The following PRKG1 variants were observed in gnomAD, a reference collection of about 807,000 sequenced individuals.
The protein encoded by PRKG1 is protein kinase cGMP-dependent 1.
PRKG1 carries 35 observed loss-of-function variants against 88.1 expected under a neutral mutation model. The observed-to-expected ratio is 0.40, with a 90% CI of 0.30 to 0.53. The LOEUF (loss-of-function observed/expected upper bound fraction) is 0.53, where lower values mean the gene tolerates loss of function less well. Among genes scored for constraint, PRKG1 ranks in the 20% least tolerant of loss-of-function variants. PRKG1 has a pLI of 0.59. For synonymous variants in PRKG1, 303 were observed against 292.5 expected, an observed-to-expected ratio of 1.04 and a Z score of -0.37; for missense variants, 540 against 839.8, an observed-to-expected ratio of 0.64 and a Z score of 4.41.
At chr10:51,725,967 A>G (rs1400097799) in intron 3 of PRKG1, among the ~76,000 whole-genome samples, 5 of 152,240 alleles carry the variant, frequency 3.3e-5, no homozygotes, top group Admixed American at 3.3e-4. Flanking sequence ...CAGCACCACT[A>G]GAACATGAAT....
Position 51,804,651 on chromosome 10 carries a change from G to T in PRKG1, c.659G>T (p.Gly220Val). Residue 220 changes from glycine (G) to valine (V), a missense_variant, in exon 4 of 18, where the codon GGA becomes GTA. This residue lies in a region of PRKG1 where 400 missense variants were observed against 562.7 expected (regional missense o/e 0.71). Coordinates refer to ENST00000373980, the MANE Select transcript of PRKG1 (RefSeq NM_006258.4). ...TTTCAAACAATAATGATGAGGACAG[G>T]ACTCATCAAGCATACCGAGTATATG... Reference protein sequence around the residue: ...QCFQTIMMRTGLIKHTEYMEF... With the variant: ...QCFQTIMMRTVLIKHTEYMEF... 1 of 1,599,220 alleles carries T rather than the reference G, an allele frequency of 6.3e-7. No homozygotes were observed. The highest frequency in any genetic ancestry group is 8.6e-7 in the Non-Finnish European group (1 of 1,167,070).
At chr10:51,947,812 G>T (rs905359461) in intron 5 of PRKG1, among the ~76,000 whole-genome samples, 10 of 151,834 alleles carry the variant, frequency 6.6e-5, no homozygotes, top group Admixed American at 6.6e-4. Flanking sequence ...GCAAGATTTG[G>T]GGTGGAGAGG....
chr10:51,885,674 T>C (rs1025262434), intron 4 of PRKG1, among the ~76,000 whole-genome samples: 1 of 152,232 alleles, frequency 6.6e-6, no homozygotes, highest in African/African-American at 2.4e-5. Flanking sequence ...CGTGTCTTTA[T>C]TATACTCTGT....
chr10:51,505,406 C>T (rs993257881), intron 3 of PRKG1, among the ~76,000 whole-genome samples: 1 of 152,168 alleles, frequency 6.6e-6, no homozygotes, highest in Admixed American at 6.5e-5. Flanking sequence ...CATCGATGTT[C>T]ATCAAGGATA....
chr10:52,292,940 G>T (rs544366576), intron 17 of PRKG1, among the ~76,000 whole-genome samples: 2 of 152,200 alleles, frequency 1.3e-5, no homozygotes, highest in East Asian at 3.9e-4. Context: ...TAAATAAAGG[G>T]TATTCAATTA....
At chr10:51,885,844 A>G (rs968687416) in intron 4 of PRKG1, among the ~76,000 whole-genome samples, 2 of 152,084 alleles carry the variant, frequency 1.3e-5, no homozygotes, top group Non-Finnish European at 2.9e-5. Context: ...GCACATGATT[A>G]CCTCTTTCAT....
At chr10:51,830,560 G>GT (rs531412645) in intron 4 of PRKG1, among the ~76,000 whole-genome samples, 1,035 of 83,612 alleles carry the variant, frequency 0.012, 5 homozygotes, top group Middle Eastern at 0.022. Flanking sequence ...TTTTTTTTTT[G>GT]TTTTTTTTTT....
At chr10:52,122,449 A>T (rs1444455751) in intron 7 of PRKG1, among the ~76,000 whole-genome samples, 1 of 152,244 alleles carries the variant, frequency 6.6e-6, no homozygotes, top group Non-Finnish European at 1.5e-5. Flanking sequence ...ACTCAAATTC[A>T]AACTTATCTT....
At chr10:51,543,155 A>G (rs1326053740) in intron 3 of PRKG1, among the ~76,000 whole-genome samples, 1 of 152,192 alleles carries the variant, frequency 6.6e-6, no homozygotes, top group Non-Finnish European at 1.5e-5. Context: ...GCCCTGTCCC[A>G]TCTAACATTA....
At chr10:51,765,006 G>A (rs1284566971) in intron 3 of PRKG1, among the ~76,000 whole-genome samples, 1 of 152,178 alleles carries the variant, frequency 6.6e-6, no homozygotes, top group Non-Finnish European at 1.5e-5. Context: ...CTCCTAAACT[G>A]TGAGAAATAA....
intron 2 of PRKG1, among the ~76,000 whole-genome samples, chr10:51,154,836 AAAG>A (rs1303096474): frequency 1.3e-5 from 2 of 152,032 alleles, no homozygotes; most frequent in Non-Finnish European, 2.9e-5. Context: ...ATTGCAAAGA[AAAG>A]AGATGAAATT....
At chr10:51,140,891 G>C (rs894142137) in intron 1 of PRKG1, among the ~76,000 whole-genome samples, 8 of 152,166 alleles carry the variant, frequency 5.3e-5, no homozygotes, top group African/African-American at 1.9e-4. Context: ...CTGAAGTCCT[G>C]AGAACTGCTG....
chr10:52,083,210 G>T (rs61849900), intron 7 of PRKG1, among the ~76,000 whole-genome samples: 2 of 151,626 alleles, frequency 1.3e-5, no homozygotes, highest in East Asian at 3.9e-4. Flanking sequence ...GATGTTTTTC[G>T]TAAATTGAAC....
At chr10:51,965,759 C>T (rs911797516) in intron 5 of PRKG1, among the ~76,000 whole-genome samples, 7 of 152,082 alleles carry the variant, frequency 4.6e-5, no homozygotes, top group African/African-American at 1.7e-4. Context: ...TGAGAATATC[C>T]TCCACTTAGC....
At chr10:51,987,284 A>G (rs1017212032) in intron 5 of PRKG1, among the ~76,000 whole-genome samples, 5 of 145,014 alleles carry the variant, frequency 3.4e-5, no homozygotes, top group African/African-American at 1.3e-4. Flanking sequence ...AGCCACTGCA[A>G]GCTTAGCACT....
intron 2 of PRKG1, among the ~76,000 whole-genome samples, chr10:51,427,873 T>G (rs896689736): frequency 3.9e-5 from 6 of 152,156 alleles, no homozygotes; most frequent in African/African-American, 1.4e-4. Flanking sequence ...GCATGAAGAA[T>G]ATCATAAACA....
At chr10:51,752,816 G>C (rs1165984985) in intron 3 of PRKG1, among the ~76,000 whole-genome samples, 2 of 152,062 alleles carry the variant, frequency 1.3e-5, no homozygotes, top group East Asian at 3.8e-4. Flanking sequence ...TATTCTCATA[G>C]GCAGAAAACA....
intron 8 of PRKG1, among the ~76,000 whole-genome samples, chr10:52,138,584 G>A (rs1271561403): frequency 6.6e-6 from 1 of 152,012 alleles, no homozygotes; most frequent in East Asian, 1.9e-4. Flanking sequence ...AGCACACATG[G>A]CTGATGATGT....
intron 3 of PRKG1, among the ~76,000 whole-genome samples, chr10:51,651,991 T>C (rs1840050935): frequency 6.6e-6 from 1 of 152,188 alleles, no homozygotes; most frequent in African/African-American, 2.4e-5. Flanking sequence ...TAAATTGAAT[T>C]ACATTATTTA....
Sources: gnomAD v4.1 joint callset for allele counts (sites outside exome capture counted in the v4.1 genomes callset) on GRCh38, gnomAD v4.1.1 for gene constraint, gnomAD v4.1.1 regional missense constraint, MANE v1.5 for transcripts, NCBI Gene and HGNC (gene_info 2026-07-23, HGNC 2026-07-21) for gene names.